Variants in PCDHA8 observed in about 807,000 individuals in gnomAD.
PCDHA8 encodes the protein protocadherin alpha-8.
PCDHA8 carries 53 observed loss-of-function variants against 61.8 expected under a neutral mutation model. That is an observed-to-expected ratio of 0.86 (90% confidence interval 0.69 to 1.08). The LOEUF (loss-of-function observed/expected upper bound fraction) is 1.08. Ranked by LOEUF, PCDHA8 falls within the 50% of genes least tolerant of loss-of-function variation. PCDHA8 has a pLI of 0.00. For synonymous variants in PCDHA8, 618 were observed against 556.6 expected, an observed-to-expected ratio of 1.11 and a Z score of -1.55; for missense variants, 1,293 against 1,245.0, an observed-to-expected ratio of 1.04 and a Z score of -0.58.
intron 1 of PCDHA8, among the ~76,000 whole-genome samples, chr5:140,973,691 T>C (rs1420618979): frequency 6.6e-6 from 1 of 152,224 alleles, no homozygotes; most frequent in Non-Finnish European, 1.5e-5. Context: ...GGCCTACTGT[T>C]TCCTTCTGAC....
intron 1 of PCDHA8, chr5:140,968,409 C>G: frequency 3.7e-6 from 6 of 1,614,024 alleles, no homozygotes; most frequent in South Asian, 1.1e-5. Context: ...TTCTTTGTGA[C>G]TGTGGAGGCT....
rs2150424044 is a variant in PCDHA8, at chr5:140,848,904, C to G, written c.2394+5189C>G. ...CAACCCTCCAGTGTTCCCAGCGACACAAAAGAATCTGTTCATCGCGGAATC... is the reference window on the plus strand; with the variant it reads ...CAACCCTCCAGTGTTCCCAGCGACAGAAAAGAATCTGTTCATCGCGGAATC... On this transcript the variant is annotated intron_variant, in intron 1 of 3. Coordinates refer to ENST00000531613, the MANE Select transcript of PCDHA8 (RefSeq NM_018911.3). 1 of 1,608,060 alleles carries G rather than the reference C, an allele frequency of 6.2e-7. No individual in the cohort carries two copies. Among genetic ancestry groups the G allele is most frequent in the Non-Finnish European group, 8.5e-7 (1 of 1,176,922 alleles).
chr5:140,852,628 G>A, intron 1 of PCDHA8: 1 of 953,102 alleles, frequency 1.0e-6, no homozygotes, highest in Non-Finnish European at 1.3e-6. Context: ...TGGTCTCTGA[G>A]CTCCTGTCAT....
At chr5:140,968,877 T>A in intron 1 of PCDHA8, 1 of 1,614,226 alleles carries the variant, frequency 6.2e-7, no homozygotes, top group South Asian at 1.1e-5. Flanking sequence ...TACTCTGAAA[T>A]TACCCTTTAT....
intron 1 of PCDHA8, among the ~76,000 whole-genome samples, chr5:140,950,183 GA>G (rs879992336): frequency 5.9e-5 from 9 of 151,666 alleles, no homozygotes; most frequent in African/African-American, 1.7e-4. Context: ...AATTAAGAAG[GA>G]AAAAAATAGT....
intron 1 of PCDHA8, chr5:140,881,393 A>G: frequency 1.0e-6 from 1 of 979,646 alleles, no homozygotes; most frequent in Non-Finnish European, 1.2e-6. Context: ...GGTAAGTTAA[A>G]TTCTATTAAA....
chr5:140,898,794 T>C (rs1487494121), intron 1 of PCDHA8, among the ~76,000 whole-genome samples: 4 of 152,236 alleles, frequency 2.6e-5, no homozygotes, highest in Non-Finnish European at 4.4e-5. Context: ...ATGGCCATTT[T>C]CACGATACTG....
chr5:140,928,709 C>T (rs1563108337), intron 1 of PCDHA8: 1 of 1,614,180 alleles, frequency 6.2e-7, no homozygotes, highest in Non-Finnish European at 8.5e-7. Context: ...GCGTCTGACT[C>T]TAGTCTCTTT....
chr5:140,994,732 G>T (rs1159331502), intron 3 of PCDHA8, among the ~76,000 whole-genome samples: 3 of 152,114 alleles, frequency 2.0e-5, no homozygotes, highest in Non-Finnish European at 4.4e-5. Flanking sequence ...ACTGGGTATT[G>T]CAGGATGGCA....
intron 1 of PCDHA8, chr5:140,883,540 G>A (rs782359917): frequency 1.9e-6 from 3 of 1,614,222 alleles, no homozygotes; most frequent in Non-Finnish European, 2.5e-6. Context: ...ATGAACTGGT[G>A]GTGACCGCGC....
chr5:141,000,393 C>A (rs60881126), intron 3 of PCDHA8, among the ~76,000 whole-genome samples: 1,562 of 52,558 alleles, frequency 0.03, 14 homozygotes, highest in East Asian at 0.037. Context: ...CTCTCTCTCT[C>A]TCTATATATA....
chr5:140,936,744 T>A (rs1204618787), intron 1 of PCDHA8, among the ~76,000 whole-genome samples: 5 of 152,216 alleles, frequency 3.3e-5, no homozygotes, highest in Non-Finnish European at 5.9e-5. Context: ...AACTTTTCAT[T>A]TGTATTGATA....
Position 140,857,347 on chromosome 5 carries a change from G to T in PCDHA8, c.2394+13632G>T, listed in dbSNP as rs781930086. 8.1e-6 allele frequency: 13 copies of T among 1,598,236 alleles called. No homozygotes were observed. The African/African-American group carries it at 1.1e-4, about 13-fold the overall frequency. On this transcript the variant is annotated intron_variant, in intron 1 of 3. Coordinates refer to ENST00000531613, the MANE Select transcript of PCDHA8 (RefSeq NM_018911.3). The stretch of plus-strand genomic sequence containing the variant: ...CCGCGCGGGACGGGGGCTCGCCTCC[G>T]CTGTGGGCCACGGCCAGCGTGTCTG...
chr5:141,009,178 G>A (rs1233603015), intron 3 of PCDHA8, among the ~76,000 whole-genome samples: 1 of 152,212 alleles, frequency 6.6e-6, no homozygotes, highest in African/African-American at 2.4e-5. Context: ...GCCTTGGCTG[G>A]GTGTGGTAGC....
chr5:140,985,021 T>A (rs2097132867), intron 3 of PCDHA8, among the ~76,000 whole-genome samples: 1 of 151,956 alleles, frequency 6.6e-6, no homozygotes, highest in African/African-American at 2.4e-5. Flanking sequence ...CACAGCAACC[T>A]CTGCCTCCTG....
At chr5:140,862,755 C>A in intron 1 of PCDHA8, 1 of 577,344 alleles carries the variant, frequency 1.7e-6, no homozygotes, top group South Asian at 1.4e-5. Context: ...ACGCGGAGAG[C>A]GGCAAGAGGT....
At chr5:140,858,061 C>A (rs1554151115) in intron 1 of PCDHA8, 1 of 1,597,498 alleles carries the variant, frequency 6.3e-7, no homozygotes, top group South Asian at 1.1e-5. Context: ...TTGTGGAGGG[C>A]AGCCAGGCAC....
intron 1 of PCDHA8, chr5:140,863,708 A>G: frequency 3.5e-6 from 1 of 284,690 alleles, no homozygotes; most frequent in Non-Finnish European, 6.9e-6. Flanking sequence ...TTTAAAGTAC[A>G]CTGGGGCCGG....
Position 141,010,180 on chromosome 5 carries a change from AC to A in PCDHA8, c.*246del. The stretch of plus-strand genomic sequence containing the variant: ...CTTGTTTTCAGAACCTAAAAAGCAG[AC>A]CCAAGTTTCCTTTCTCCTCCGCCGC... On this transcript the variant is annotated 3_prime_UTR_variant, in exon 4 of 4. Coordinates refer to ENST00000531613, the MANE Select transcript of PCDHA8 (RefSeq NM_018911.3). 2 of 1,554,710 alleles carry A rather than the reference AC, an allele frequency of 1.3e-6. No individual in the cohort carries two copies. The highest frequency in any genetic ancestry group is 1.7e-6 in the Non-Finnish European group (2 of 1,148,310).
Sources: gnomAD v4.1 joint callset for allele counts (sites outside exome capture counted in the v4.1 genomes callset) on GRCh38, gnomAD v4.1.1 for gene constraint, MANE v1.5 for transcripts, NCBI Gene and HGNC (gene_info 2026-07-23, HGNC 2026-07-21) for gene names.